The following INPP4B variants were observed in gnomAD, a reference collection of about 807,000 sequenced individuals.
The protein encoded by INPP4B is inositol polyphosphate 4-phosphatase type II.
Under a neutral mutation model 122.5 loss-of-function variants are expected in INPP4B, and 55 were observed. The ratio of observed to expected loss-of-function variants is 0.45; its 90% CI spans 0.36 to 0.56. INPP4B has a LOEUF of 0.56. INPP4B is among the 20% of genes least tolerant of loss of function. The pLI, the probability that INPP4B is intolerant of heterozygous loss-of-function variation, is 0.00. For missense variants in INPP4B, 1,000 were observed against 1,097.7 expected (o/e 0.91, Z 1.26); for synonymous variants, 403 against 388.7 (o/e 1.04, Z -0.43).
At chr4:142,630,189 CA>C (rs1183991244) in intron 2 of INPP4B, among the ~76,000 whole-genome samples, 1 of 152,030 alleles carries the variant, frequency 6.6e-6, no homozygotes, top group East Asian at 1.9e-4. Flanking sequence ...GCATGAAAAC[CA>C]AGGGAGATAT....
At chr4:142,660,289 T>G (rs980309896) in intron 2 of INPP4B, among the ~76,000 whole-genome samples, 1 of 151,988 alleles carries the variant, frequency 6.6e-6, no homozygotes, top group African/African-American at 2.4e-5. Context: ...GAGGATGCTG[T>G]TCTCTCTCTC....
intron 14 of INPP4B, among the ~76,000 whole-genome samples, chr4:142,206,189 A>T (rs1223455310): frequency 6.6e-6 from 1 of 152,048 alleles, no homozygotes; most frequent in Non-Finnish European, 1.5e-5. Context: ...CATGGCATTA[A>T]TTCACTCATA....
intron 16 of INPP4B, among the ~76,000 whole-genome samples, chr4:142,169,002 T>C (rs1205239055): frequency 6.6e-6 from 1 of 151,700 alleles, no homozygotes; most frequent in Non-Finnish European, 1.5e-5. Context: ...AAAACCATTA[T>C]GTCTACATTT....
chr4:142,785,384 T>C (rs550263994), intron 1 of INPP4B, among the ~76,000 whole-genome samples: 226 of 151,854 alleles, frequency 1.5e-3, no homozygotes, highest in South Asian at 3.5e-3. Context: ...AATTATCAGA[T>C]AAAAAAATTA....
At chr4:142,782,949 C>G (rs962208956) in intron 1 of INPP4B, among the ~76,000 whole-genome samples, 1 of 152,096 alleles carries the variant, frequency 6.6e-6, no homozygotes, top group Admixed American at 6.6e-5. Context: ...GCTGGGAAAA[C>G]TGGCTAGCCA....
At chr4:142,235,722 C>G (rs7672615) in intron 12 of INPP4B, among the ~76,000 whole-genome samples, 21,346 of 152,112 alleles carry the variant, frequency 0.14, 1,824 homozygotes, top group African/African-American at 0.24. Context: ...ACCGCGTCCA[C>G]CTGACATGTC....
chr4:142,522,006 T>C (rs889907029), intron 2 of INPP4B, among the ~76,000 whole-genome samples: 4 of 152,136 alleles, frequency 2.6e-5, no homozygotes, highest in African/African-American at 9.6e-5. Flanking sequence ...ATCACAACAG[T>C]GGATTAGAAT....
chr4:142,131,732 G>T (rs894214772), intron 18 of INPP4B, among the ~76,000 whole-genome samples: 2 of 152,212 alleles, frequency 1.3e-5, no homozygotes, highest in African/African-American at 4.8e-5. Context: ...AAGGCAGGCG[G>T]ATCACCTGAG....
intron 4 of INPP4B, 30 bp downstream of exon 4, chr4:142,431,138 CA>C (rs2149372813): frequency 1.3e-6 from 2 of 1,550,432 alleles, no homozygotes; most frequent in Non-Finnish European, 1.8e-6. Flanking sequence ...TCTTTAGATG[CA>C]AAAACAGGGA....
At chr4:142,582,323 C>CACA (rs1735282446) in intron 2 of INPP4B, among the ~76,000 whole-genome samples, 1 of 152,002 alleles carries the variant, frequency 6.6e-6, no homozygotes, top group Non-Finnish European at 1.5e-5. Context: ...TTAAAGCTGT[C>CACA]AAGTGAAGCC....
At chr4:142,067,935 A>G (rs1764583009) in intron 25 of INPP4B, among the ~76,000 whole-genome samples, 1 of 152,354 alleles carries the variant, frequency 6.6e-6, no homozygotes, top group African/African-American at 2.4e-5. Context: ...GAACTTCCCC[A>G]ACATAGCAAG....
At chr4:142,223,704 A>T (rs528945742) in intron 12 of INPP4B, among the ~76,000 whole-genome samples, 7 of 152,322 alleles carry the variant, frequency 4.6e-5, no homozygotes, top group African/African-American at 1.7e-4. Context: ...TAGGGCAAAC[A>T]TACTTTACAT....
intron 23 of INPP4B, among the ~76,000 whole-genome samples, chr4:142,094,391 G>C (rs1780918693): frequency 6.6e-6 from 1 of 152,156 alleles, no homozygotes; most frequent in Non-Finnish European, 1.5e-5. Context: ...CCTCATCCCT[G>C]CATTTTACCC....
At chr4:142,600,046 T>A (rs1018564628) in intron 2 of INPP4B, among the ~76,000 whole-genome samples, 1 of 152,076 alleles carries the variant, frequency 6.6e-6, no homozygotes, top group Non-Finnish European at 1.5e-5. Context: ...ACAAAATATA[T>A]GAATTATTGA....
At chr4:142,348,457 C>A (rs1780959195) in intron 7 of INPP4B, among the ~76,000 whole-genome samples, 1 of 151,936 alleles carries the variant, frequency 6.6e-6, no homozygotes, top group Non-Finnish European at 1.5e-5. Context: ...TTACTGAGTT[C>A]CAGCACCAGC....
chr4:142,742,584 A>G (rs1348050002), intron 1 of INPP4B, among the ~76,000 whole-genome samples: 5 of 152,018 alleles, frequency 3.3e-5, no homozygotes, highest in African/African-American at 1.2e-4. Flanking sequence ...GTCAGTTAAG[A>G]CTCTGTTCTT....
At chr4:142,345,911 C>T (rs28546779) in intron 7 of INPP4B, among the ~76,000 whole-genome samples, 32,705 of 151,750 alleles carry the variant, frequency 0.22, 4,422 homozygotes, top group East Asian at 0.46. Context: ...GAAAAAATGG[C>T]TTCTAGATCT....
intron 7 of INPP4B, among the ~76,000 whole-genome samples, chr4:142,320,092 G>C (rs557689697): frequency 6.6e-6 from 1 of 152,268 alleles, no homozygotes; most frequent in South Asian, 2.1e-4. Context: ...CTTGATGGCT[G>C]TTCACAGGAG....
chr4:142,099,095 A>G (rs778481666), intron 23 of INPP4B, among the ~76,000 whole-genome samples: 9 of 152,304 alleles, frequency 5.9e-5, no homozygotes, highest in Middle Eastern at 3.4e-3. Flanking sequence ...GTGACTCAGC[A>G]TTGGGTTTAA....
Sources: allele counts gnomAD v4.1 joint callset (sites outside exome capture counted in the v4.1 genomes callset), GRCh38; gene constraint gnomAD v4.1.1; transcripts MANE v1.5; gene names NCBI Gene and HGNC (gene_info 2026-07-23, HGNC 2026-07-21).